Variants in LYPLAL1 observed in about 807,000 individuals in gnomAD.
LYPLAL1 encodes the protein lysophospholipase-like protein 1.
LYPLAL1 carries 23 observed loss-of-function variants against 19.7 expected under a neutral mutation model. The ratio of observed to expected loss-of-function variants is 1.17; its 90% CI spans 0.84 to 1.65. LYPLAL1 has a LOEUF of 1.65. LYPLAL1 is among the 40% of genes most tolerant of loss of function. The probability of loss-of-function intolerance (pLI) is 0.00; values close to 1 mark genes in which losing one functional copy is unlikely to be tolerated. For missense variants in LYPLAL1, 355 were observed against 279.4 expected (o/e 1.27, Z -1.93); for synonymous variants, 119 against 96.3 (o/e 1.24, Z -1.38).
the LYPLAL1 span, among the ~76,000 whole-genome samples, chr1:219,383,032 G>T: frequency 6.6e-6 from 1 of 152,074 alleles, no homozygotes; most frequent in African/African-American, 2.4e-5. Context: ...CTTAAATTAT[G>T]TGTCTAGAAA....
At chr1:219,358,345 C>G in the LYPLAL1 span, among the ~76,000 whole-genome samples, 1 of 152,158 alleles carries the variant, frequency 6.6e-6, no homozygotes, top group South Asian at 2.1e-4. Flanking sequence ...GTACTGTACT[C>G]TAGTTGATAA....
chr1:219,291,530 G>A, the LYPLAL1 span, among the ~76,000 whole-genome samples: 1 of 152,144 alleles, frequency 6.6e-6, no homozygotes, highest in African/African-American at 2.4e-5. Flanking sequence ...CTATGTTTCA[G>A]GGGTGTTAAG....
At chr1:219,200,973 A>G (rs1414356884) in intron 3 of LYPLAL1, among the ~76,000 whole-genome samples, 1 of 152,218 alleles carries the variant, frequency 6.6e-6, no homozygotes, top group East Asian at 1.9e-4. Flanking sequence ...TTTAAAGCCA[A>G]CGATTCTTAC....
chr1:219,427,688 G>T, the LYPLAL1 span, among the ~76,000 whole-genome samples: 1 of 152,164 alleles, frequency 6.6e-6, no homozygotes, highest in Non-Finnish European at 1.5e-5. Context: ...TTCCATGATT[G>T]TTTCTCCTCT....
chr1:219,255,122 A>G, the LYPLAL1 span, among the ~76,000 whole-genome samples: 1 of 151,838 alleles, frequency 6.6e-6, no homozygotes, highest in South Asian at 2.1e-4. Flanking sequence ...CTATATAAAT[A>G]TTGGAATCAG....
the LYPLAL1 span, among the ~76,000 whole-genome samples, chr1:219,364,857 G>T: frequency 6.6e-6 from 1 of 151,972 alleles, no homozygotes; most frequent in Non-Finnish European, 1.5e-5. Flanking sequence ...CAAGTTACTT[G>T]CCTATTTGAG....
At chr1:219,238,332 T>TTTTTTA in the LYPLAL1 span, among the ~76,000 whole-genome samples, 2 of 85,536 alleles carry the variant, frequency 2.3e-5, no homozygotes, top group African/African-American at 8.2e-5. Flanking sequence ...TTTTTTTTTT[T>TTTTTTA]AGTAGAGACG....
the LYPLAL1 span, among the ~76,000 whole-genome samples, chr1:219,337,298 T>C: frequency 6.6e-6 from 1 of 152,008 alleles, no homozygotes; most frequent in Admixed American, 6.6e-5. Context: ...TGGAGGGCTA[T>C]TATTCCATCT....
Position 219,174,034 on chromosome 1 carries a change from C to T in LYPLAL1, c.91+53C>T, listed in dbSNP as rs183514421. The T allele has an allele frequency of 5.9e-5, 95 of 1,610,464 alleles. No individual in the cohort carries two copies. The African/African-American group carries it at 1.2e-3, about 20-fold the overall frequency. On this transcript the variant is annotated intron_variant, in intron 1 of 4. Coordinates refer to ENST00000366928, the MANE Select transcript of LYPLAL1 (RefSeq NM_138794.5). Reference sequence around the variant, plus strand: ...TCTACAGCTCGGGAAACATCCTCCCCTCGGTTACCCCAGTATTGCCCAAGT... The same window carrying T: ...TCTACAGCTCGGGAAACATCCTCCCTTCGGTTACCCCAGTATTGCCCAAGT...
At chr1:219,221,870 C>G in the LYPLAL1 span, among the ~76,000 whole-genome samples, 3 of 152,152 alleles carry the variant, frequency 2.0e-5, no homozygotes, top group Admixed American at 6.5e-5. Context: ...CTTATACTTT[C>G]AGTAGTGGAA....
At chr1:219,383,730 T>A in the LYPLAL1 span, among the ~76,000 whole-genome samples, 2 of 152,228 alleles carry the variant, frequency 1.3e-5, no homozygotes, top group Non-Finnish European at 2.9e-5. Flanking sequence ...GTCTCAACTT[T>A]CATAGTAGCA....
the LYPLAL1 span, among the ~76,000 whole-genome samples, chr1:219,278,812 A>G: frequency 1.3e-5 from 2 of 152,004 alleles, no homozygotes; most frequent in African/African-American, 2.4e-5. Context: ...TGACATTTGG[A>G]CCTTGATAAT....
intron 3 of LYPLAL1, among the ~76,000 whole-genome samples, chr1:219,195,753 CAT>C (rs565143593): frequency 3.5e-4 from 53 of 152,218 alleles, no homozygotes; most frequent in South Asian, 2.9e-3. Context: ...CATAGGTAAA[CAT>C]GTGTCATGGT....
chr1:219,214,548 T>C (rs139413260), downstream of LYPLAL1, among the ~76,000 whole-genome samples: 38 of 152,224 alleles, frequency 2.5e-4, no homozygotes, highest in East Asian at 4.5e-3. Context: ...AGCAATATTA[T>C]GCCACTTCAC....
At chr1:219,174,045 C>T in intron 1 of LYPLAL1, 64 bp downstream of exon 1, 6 of 1,601,062 alleles carry the variant, frequency 3.7e-6, no homozygotes, top group Admixed American at 1.7e-5. Context: ...TCGGTTACCC[C>T]AGTATTGCCC....
chr1:219,414,572 G>A, the LYPLAL1 span, among the ~76,000 whole-genome samples: 1 of 152,142 alleles, frequency 6.6e-6, no homozygotes, highest in Non-Finnish European at 1.5e-5. Flanking sequence ...ACTTCTAGTG[G>A]AAGTAAATTT....
the LYPLAL1 span, among the ~76,000 whole-genome samples, chr1:219,241,130 C>CTATATATATATATATA: frequency 5.6e-5 from 4 of 71,100 alleles, no homozygotes; most frequent in African/African-American, 9.3e-5. Flanking sequence ...CTCTCTCTCT[C>CTATATATATATATATA]TCTCTATATA....
the LYPLAL1 span, among the ~76,000 whole-genome samples, chr1:219,284,245 G>T: frequency 6.6e-6 from 1 of 152,116 alleles, no homozygotes; most frequent in African/African-American, 2.4e-5. Context: ...ACCAGTCTTG[G>T]GTAGTATCTT....
At chr1:219,325,799 A>G in the LYPLAL1 span, among the ~76,000 whole-genome samples, 1 of 152,166 alleles carries the variant, frequency 6.6e-6, no homozygotes, top group Non-Finnish European at 1.5e-5. Flanking sequence ...GTTGGCTCTC[A>G]TTGGTGATTG....
Sources: allele counts gnomAD v4.1 joint callset (sites outside exome capture counted in the v4.1 genomes callset), GRCh38; gene constraint gnomAD v4.1.1; transcripts MANE v1.5; gene names NCBI Gene and HGNC (gene_info 2026-07-23, HGNC 2026-07-21).